RUNX1T1: variants seen among roughly 807,000 people sequenced by gnomAD.
RUNX1T1 encodes the protein protein CBFA2T1.
A neutral mutation model predicts 62.8 loss-of-function variants in RUNX1T1; 4 were observed. The ratio of observed to expected loss-of-function variants is 0.06; its 90% CI spans 0.03 to 0.15. The LOEUF (loss-of-function observed/expected upper bound fraction) is 0.15, where lower values mean the gene tolerates loss of function less well. Among genes scored for constraint, RUNX1T1 ranks in the 10% least tolerant of loss-of-function variants. The probability of loss-of-function intolerance (pLI) is 1.00; values close to 1 mark genes in which losing one functional copy is unlikely to be tolerated. For missense variants in RUNX1T1, 508 were observed against 754.3 expected (o/e 0.67, Z 3.82); for synonymous variants, 291 against 286.0 (o/e 1.02, Z -0.18).
intron 1 of RUNX1T1, among the ~76,000 whole-genome samples, chr8:92,097,578 G>C (rs532696180): frequency 6.6e-6 from 1 of 152,092 alleles, no homozygotes; most frequent in Admixed American, 6.5e-5. Flanking sequence ...GTGCCCCCCT[G>C]ATTTTTCCAT....
At chr8:91,982,032 C>T (rs922641467) in intron 8 of RUNX1T1, among the ~76,000 whole-genome samples, 2 of 151,570 alleles carry the variant, frequency 1.3e-5, no homozygotes. Context: ...ATCCCTTGAG[C>T]TCAGGAGTTC....
chr8:92,017,721 C>A, intron 1 of RUNX1T1: 1 of 938,936 alleles, frequency 1.1e-6, no homozygotes, highest in Non-Finnish European at 1.4e-6. Context: ...GATAATGAAC[C>A]CCTCATGACA....
chr8:91,999,539 C>CA (rs1474883896), intron 5 of RUNX1T1, among the ~76,000 whole-genome samples: 3 of 152,108 alleles, frequency 2.0e-5, no homozygotes, highest in Admixed American at 1.3e-4. Flanking sequence ...GATACAGAAT[C>CA]ACGGCTATGA....
intron 5 of RUNX1T1, among the ~76,000 whole-genome samples, chr8:91,995,804 A>G (rs1468356393): frequency 1.3e-5 from 2 of 152,204 alleles, no homozygotes; most frequent in Non-Finnish European, 2.9e-5. Context: ...AGGGGAAAAA[A>G]AGAAAACACA....
chr8:92,039,975 G>A (rs1412625655), intron 1 of RUNX1T1, among the ~76,000 whole-genome samples: 1 of 152,144 alleles, frequency 6.6e-6, no homozygotes, highest in Non-Finnish European at 1.5e-5. Context: ...CTAGAGTGAT[G>A]TTAACGTTCA....
chr8:91,968,467 A>G (rs2130577853), intron 10 of RUNX1T1, among the ~76,000 whole-genome samples: 1 of 152,290 alleles, frequency 6.6e-6, no homozygotes, highest in East Asian at 1.9e-4. Context: ...TAAAATACTT[A>G]AAGCACAAGG....
At chr8:92,017,541 G>A (rs1313496472) in intron 1 of RUNX1T1, 178 bp from the exon 3 acceptor site, 5 of 1,485,652 alleles carry the variant, frequency 3.4e-6, no homozygotes, top group Non-Finnish European at 4.4e-6. Flanking sequence ...CACTTAAGAA[G>A]GTATAGCACA....
intron 1 of RUNX1T1, among the ~76,000 whole-genome samples, chr8:92,034,369 G>C (rs1826849102): frequency 6.6e-6 from 1 of 152,062 alleles, no homozygotes; most frequent in South Asian, 2.1e-4. Context: ...AAAGCATTTA[G>C]TAAGTGCCAT....
intron 10 of RUNX1T1, 78 bp downstream of exon 11, chr8:91,970,580 G>A: frequency 7.8e-7 from 1 of 1,278,764 alleles, no homozygotes; most frequent in Non-Finnish European, 1.1e-6. Flanking sequence ...TATCTAAAGT[G>A]ATCACCTTGA....
At chr8:92,103,060 C>G, upstream of RUNX1T1, 1 of 531,986 alleles carries the variant, frequency 1.9e-6, no homozygotes, top group South Asian at 6.1e-5. Context: ...TACGGCCGCC[C>G]GGCGCTGCGC....
At chr8:92,028,816 A>C in intron 1 of RUNX1T1, among the ~76,000 whole-genome samples, 1 of 152,202 alleles carries the variant, frequency 6.6e-6, no homozygotes, top group East Asian at 1.9e-4. Context: ...ACTGAACATA[A>C]GCATGTATGT....
intron 1 of RUNX1T1, among the ~76,000 whole-genome samples, chr8:92,026,839 C>T (rs1325694951): frequency 1.5e-5 from 2 of 129,360 alleles, no homozygotes; most frequent in South Asian, 2.6e-4. Flanking sequence ...AACAAACGGC[C>T]GGGCGCGGTG....
chr8:91,961,149 C>T (rs528013033), intron 10 of RUNX1T1, among the ~76,000 whole-genome samples: 1 of 152,324 alleles, frequency 6.6e-6, no homozygotes, highest in South Asian at 2.1e-4. Context: ...CCCCCTTTAC[C>T]TCAGCTCCCT....
At position 92,028,081 on chromosome 8, in the gene RUNX1T1, G is replaced by GC. The variant is rs1314204276; in HGVS notation, c.8-10719_8-10718insG. ...GGACAGACGGATGGAATAAATGGGG[G>GC]GGGGGGTGGGAAGGAAGGAGGGAAA... On this transcript the variant is annotated intron_variant, in intron 1 of 10. Transcript: ENST00000396218. 1.4e-3 allele frequency among the ~76,000 whole-genome samples: 140 copies of GC among 101,386 alleles called. 4 individuals carry two copies. The Admixed American group carries it at 0.014, about 10-fold the overall frequency. The allele number at this position is 101,386 out of a possible 152,430, so 66.5% of individuals were successfully genotyped here. A position where few individuals can be genotyped will look rare whatever the true frequency, so the allele number is the denominator to read the frequency against.
At chr8:91,976,006 G>C in intron 8 of RUNX1T1, 33 bp from the exon 10 acceptor site, 1 of 1,482,468 alleles carries the variant, frequency 6.7e-7, no homozygotes. Context: ...GTGGAGAGAG[G>C]AGGAGAGTAC....
chr8:92,081,789 A>G (rs1255712772), intron 1 of RUNX1T1, among the ~76,000 whole-genome samples: 1 of 152,060 alleles, frequency 6.6e-6, no homozygotes, highest in Non-Finnish European at 1.5e-5. Flanking sequence ...TGCTGCTCCT[A>G]TCAACTGATC....
chr8:92,100,702 A>T (rs1837995656), upstream of RUNX1T1, among the ~76,000 whole-genome samples: 2 of 152,216 alleles, frequency 1.3e-5, no homozygotes, highest in Admixed American at 1.3e-4. Context: ...AAATCAGTAA[A>T]GGAAAAAAAC....
intron 1 of RUNX1T1, among the ~76,000 whole-genome samples, chr8:92,085,734 A>G (rs1046023257): frequency 6.6e-6 from 1 of 152,220 alleles, no homozygotes; most frequent in Admixed American, 6.5e-5. Flanking sequence ...AAATAATATT[A>G]TCTTAATGAA....
chr8:92,031,882 G>A (rs945673735), intron 1 of RUNX1T1, among the ~76,000 whole-genome samples: 13 of 151,660 alleles, frequency 8.6e-5, no homozygotes, highest in South Asian at 2.1e-4. Context: ...ACTTGAGCCC[G>A]GGAGTTCGAG....
Sources: allele counts gnomAD v4.1 joint callset (sites outside exome capture counted in the v4.1 genomes callset), GRCh38; gene constraint gnomAD v4.1.1; transcripts MANE v1.5; gene names NCBI Gene and HGNC (gene_info 2026-07-23, HGNC 2026-07-21).